Variants in WDR47 observed in about 807,000 individuals in gnomAD.
WDR47 encodes WD repeat domain 47.
WDR47 carries 32 observed loss-of-function variants against 97.2 expected under a neutral mutation model. The observed-to-expected ratio is 0.33, with a 90% CI of 0.25 to 0.44. WDR47 has a LOEUF of 0.44. Among genes scored for constraint, WDR47 ranks in the 20% least tolerant of loss-of-function variants. The pLI is 1.00. For missense variants in WDR47, 782 were observed against 1,102.3 expected (o/e 0.71, Z 4.11); for synonymous variants, 375 against 373.5 (o/e 1.00, Z -0.05).
At chr1:109,019,693 TTGTGAATTCTA>T (rs757598708) in intron 2 of WDR47, among the ~76,000 whole-genome samples, 66 of 152,278 alleles carry the variant, frequency 4.3e-4, no homozygotes, top group Admixed American at 1.1e-3. Context: ...CTGCTCTACA[TTGTGAATTCTA>T]TGTGAAATCT....
chr1:109,011,371 C>T lies in WDR47; in HGVS notation c.675G>A (p.Val225=). Residue 225 remains valine, a synonymous_variant, in exon 5 of 15, where the codon GTG becomes GTA. Coordinates refer to ENST00000369962, the MANE Select transcript of WDR47 (RefSeq NM_001142551.2). ...ATGEEITESE[V]LLGIDLLCGN... Reference sequence around the variant, plus strand: ...CACATAAGAGGTCGATGCCAAGAAGCACTTCGCTTTCTGTAATTTCTTCTC... The same window carrying T: ...CACATAAGAGGTCGATGCCAAGAAGTACTTCGCTTTCTGTAATTTCTTCTC... 6.2e-7 allele frequency: 1 copy of T among 1,614,174 alleles called. No homozygotes were observed. The highest frequency in any genetic ancestry group is 1.1e-5 in the South Asian group (1 of 91,084).
intron 5 of WDR47, among the ~76,000 whole-genome samples, chr1:109,010,008 C>CA (rs917313945): frequency 7.3e-5 from 11 of 150,640 alleles, no homozygotes; most frequent in Admixed American, 4.0e-4. Flanking sequence ...CAAAAAAAAA[C>CA]AAAAAAACAA....
At chr1:108,996,210 AT>A (rs1236464178) in intron 7 of WDR47, among the ~76,000 whole-genome samples, 1 of 152,052 alleles carries the variant, frequency 6.6e-6, no homozygotes, top group Admixed American at 6.6e-5. Flanking sequence ...GCATACCATC[AT>A]GACCAGCTAA....
Position 109,039,907 on chromosome 1 carries a change from G to A in WDR47, c.-10+1955C>T, listed in dbSNP as rs186994224. On this transcript the variant is annotated intron_variant, in intron 1 of 14. Transcript: ENST00000369962. ...AAAAAGTAGCCGGGCGTGGTGGCAG[G>A]CACCTGTAATCCCAGCTACTTGGGA... is the stretch of plus-strand genomic sequence containing the variant. Among the ~76,000 whole-genome samples the A allele has an allele frequency of 2.9e-4, 44 of 151,888 alleles. No homozygotes were observed. The East Asian group carries it at 7.2e-3, about 25-fold the overall frequency.
chr1:109,030,007 G>C (rs1339286278), intron 1 of WDR47: 3 of 401,272 alleles, frequency 7.5e-6, no homozygotes. Flanking sequence ...CCAAATATAA[G>C]CAGATATGAT....
In WDR47 at chr1:108,984,839, G is replaced by T. The variant is rs1232904206; in HGVS notation, c.1926-1388C>A. Reference sequence around the variant, plus strand: ...GTTACAGTGAGCTGAGGTCGTGCCAGTGCACTCCAGCCTGGCGACAGAGTG... The same window carrying T: ...GTTACAGTGAGCTGAGGTCGTGCCATTGCACTCCAGCCTGGCGACAGAGTG... On this transcript the variant is annotated intron_variant, in intron 10 of 14. Transcript: ENST00000369962. Among the ~76,000 whole-genome samples the T allele has an allele frequency of 2.0e-5, 3 of 152,122 alleles. No homozygotes were observed. The East Asian group carries it at 5.8e-4, about 29-fold the overall frequency.
intron 1 of WDR47, among the ~76,000 whole-genome samples, chr1:109,032,733 C>A (rs1263417956): frequency 2.0e-5 from 3 of 151,174 alleles, no homozygotes; most frequent in African/African-American, 7.3e-5. Flanking sequence ...CCTGTCTCTA[C>A]TAAAAATACA....
chr1:109,033,915 T>C (rs1005690006), intron 1 of WDR47, among the ~76,000 whole-genome samples: 2 of 152,058 alleles, frequency 1.3e-5, no homozygotes, highest in African/African-American at 4.8e-5. Context: ...TGAGACTCTG[T>C]GTCAAAAAAA....
At chr1:109,009,848 A>G (rs566810849) in intron 5 of WDR47, among the ~76,000 whole-genome samples, 1 of 152,178 alleles carries the variant, frequency 6.6e-6, no homozygotes, top group African/African-American at 2.4e-5. Context: ...AAATACAAAA[A>G]TTAGTTGGGC....
intron 6 of WDR47, among the ~76,000 whole-genome samples, chr1:109,003,667 C>T (rs1660373382): frequency 6.6e-6 from 1 of 152,036 alleles, no homozygotes; most frequent in Non-Finnish European, 1.5e-5. Context: ...CCACGCCTGG[C>T]TGATTTTTTG....
chr1:109,039,807 G>A (rs752771685), intron 1 of WDR47, among the ~76,000 whole-genome samples: 6 of 151,974 alleles, frequency 3.9e-5, no homozygotes, highest in East Asian at 1.9e-4. Context: ...AGCCCAAGGC[G>A]GGTGGATCAC....
At chr1:108,972,897 C>T (rs35643659) in intron 14 of WDR47, among the ~76,000 whole-genome samples, 5,248 of 149,520 alleles carry the variant, frequency 0.035, 114 homozygotes, top group Admixed American at 0.056. Flanking sequence ...AGTGAGCCGA[C>T]ATTGCACCAC....
intron 14 of WDR47, among the ~76,000 whole-genome samples, chr1:108,972,109 C>A (rs768267582): frequency 2.0e-5 from 3 of 152,130 alleles, no homozygotes; most frequent in Non-Finnish European, 4.4e-5. Flanking sequence ...TAAAACCAAA[C>A]TCTTGGTTTT....
chr1:108,976,508 C>T (rs914738606), intron 13 of WDR47, among the ~76,000 whole-genome samples: 3 of 152,148 alleles, frequency 2.0e-5, no homozygotes, highest in Non-Finnish European at 4.4e-5. Context: ...TAAATCATTA[C>T]TCCCTTAGGC....
intron 5 of WDR47, among the ~76,000 whole-genome samples, chr1:109,008,900 A>T (rs1048529187): frequency 1.3e-5 from 2 of 151,964 alleles, no homozygotes; most frequent in Non-Finnish European, 2.9e-5. Flanking sequence ...GAGCCACCGC[A>T]CCCAGTTCAC....
At chr1:109,004,442 G>A in intron 6 of WDR47, 150 bp downstream of exon 6, 1 of 980,252 alleles carries the variant, frequency 1.0e-6, no homozygotes, top group Non-Finnish European at 1.4e-6. Flanking sequence ...TCGTTGAAGA[G>A]AGGAGAGAAA....
chr1:108,972,394 T>C (rs1368292971), intron 14 of WDR47, among the ~76,000 whole-genome samples: 1 of 152,138 alleles, frequency 6.6e-6, no homozygotes, highest in Admixed American at 6.6e-5. Context: ...CTACTCTCCC[T>C]ACAGAACCCC....
rs540179037 is a variant in WDR47, at chr1:109,004,673, G to C, written c.1173C>G (p.Ile391Met). Residue 391 changes from isoleucine to methionine, a missense_variant, in exon 6 of 15, where the codon ATC (isoleucine) becomes ATG (methionine). By Grantham distance (10) the Ile-to-Met change is conservative. This residue lies in a region of WDR47 where 428 missense variants were observed against 584.3 expected (regional missense o/e 0.73). Coordinates refer to ENST00000369962, the MANE Select transcript of WDR47 (RefSeq NM_001142551.2). ...VDAQRPIGSE[I>M]LGQSSVSEKE... is the part of the protein sequence containing the mutation. Reference sequence around the variant, plus strand: ...TTTCTGAAACTGAACTCTGGCCCAAGATTTCACTGCCGATAGGCCTCTGTG... The same window carrying C: ...TTTCTGAAACTGAACTCTGGCCCAACATTTCACTGCCGATAGGCCTCTGTG... 6 of 1,613,558 alleles carry C rather than the reference G, an allele frequency of 3.7e-6. No homozygotes were observed. Among genetic ancestry groups the C allele is most frequent in the Non-Finnish European group, 5.1e-6 (6 of 1,179,780 alleles).
chr1:108,987,178 ATCTTCCATTGT>A (rs1557922477), intron 9 of WDR47: 1 of 179,164 alleles, frequency 5.6e-6, no homozygotes, highest in Non-Finnish European at 1.3e-5. Context: ...TGTTTCTTCT[ATCTTCCATTGT>A]TTATAATCTG....
Sources: allele counts gnomAD v4.1 joint callset (sites outside exome capture counted in the v4.1 genomes callset), GRCh38; gene constraint gnomAD v4.1.1; regional missense constraint gnomAD v4.1.1; transcripts MANE v1.5; gene names NCBI Gene and HGNC (gene_info 2026-07-23, HGNC 2026-07-21).